SEPTIN9: variants seen among roughly 807,000 people sequenced by gnomAD.
SEPTIN9 encodes septin-9.
SEPTIN9 carries 13 observed loss-of-function variants against 56.6 expected under a neutral mutation model. That is an observed-to-expected ratio of 0.23 (90% CI 0.15 to 0.37). The LOEUF is 0.37. Ranked by LOEUF, SEPTIN9 falls within the 10% of genes least tolerant of loss-of-function variation. The probability of loss-of-function intolerance (pLI) is 1.00; values close to 1 mark genes in which losing one functional copy is unlikely to be tolerated. For missense variants in SEPTIN9, 650 were observed against 823.1 expected, an observed-to-expected ratio of 0.79 and a Z score of 2.57; for synonymous variants, 332 against 334.1, an observed-to-expected ratio of 0.99 and a Z score of 0.07.
At chr17:77,447,041 A>G (rs1466639804) in intron 3 of SEPTIN9, 1 of 167,120 alleles carries the variant, frequency 6.0e-6, no homozygotes. Context: ...CCCCGTATCC[A>G]TGAAGGACTC....
intron 2 of SEPTIN9, among the ~76,000 whole-genome samples, chr17:77,362,182 C>A (rs1388523863): frequency 6.6e-6 from 1 of 152,212 alleles, no homozygotes; most frequent in East Asian, 1.9e-4. Context: ...GTGGGGTGGC[C>A]TTCACCAATC....
rs1477906879 is a variant in SEPTIN9 at position 77,307,093 on chromosome 17, G to C, written c.20-48G>C. Reference sequence around the variant, plus strand: ...GGTGTTAATCATCCACCCGGAGGGAGAGCGCCAGTGGCCTTGTGTGACCTT... The same window carrying C: ...GGTGTTAATCATCCACCCGGAGGGACAGCGCCAGTGGCCTTGTGTGACCTT... On this transcript the variant is annotated intron_variant, in intron 1 of 11. Coordinates refer to ENST00000427177, the MANE Select transcript of SEPTIN9 (RefSeq NM_001113491.2). The C allele has an allele frequency of 3.8e-6, 6 of 1,560,524 alleles. No individual in the cohort carries two copies. In the African/African-American group the frequency reaches 5.4e-5, roughly 14 times the overall value.
chr17:77,394,769 G>C lies in SEPTIN9; in HGVS notation c.77-7290G>C, dbSNP rs116307679. 5.8e-3 allele frequency among the ~76,000 whole-genome samples: 878 copies of C among 152,286 alleles called. 12 individuals are homozygous for C. The highest frequency in any genetic ancestry group is 0.02 in the African/African-American group (838 of 41,540). Reference sequence around the variant, plus strand: ...GGAGCGGTTTGCCAGGCAGCCTGTGGTCAGAGCAGGGGCCTTAACAATGGT... The same window carrying C: ...GGAGCGGTTTGCCAGGCAGCCTGTGCTCAGAGCAGGGGCCTTAACAATGGT... On this transcript the variant is annotated intron_variant, in intron 2 of 11. Transcript: ENST00000427177.
chr17:77,336,697 C>G (rs1441956632), intron 2 of SEPTIN9, among the ~76,000 whole-genome samples: 1 of 151,848 alleles, frequency 6.6e-6, no homozygotes, highest in African/African-American at 2.4e-5. Flanking sequence ...TCTTTCTGAT[C>G]TTGATGCCTT....
rs1242358839 is a variant in SEPTIN9, at chr17:77,437,418, T to G, written c.721+34715T>G. 1.3e-5 allele frequency among the ~76,000 whole-genome samples: 2 copies of G among 151,784 alleles called. No individual in the cohort carries two copies. Among genetic ancestry groups the G allele is most frequent in the Admixed American group, 1.3e-4 (2 of 15,218 alleles). On this transcript the variant is annotated intron_variant, in intron 3 of 11. Transcript: ENST00000427177. This position sits in a 1 kb window ranked among gnomAD's most constrained non-coding sequence, Gnocchi z 5.3. ...GGGCTCAGAGATTGTAAATTCATCT[T>G]GCTGGATGTGTGGCTGCCTTTATGT...
intron 2 of SEPTIN9, among the ~76,000 whole-genome samples, chr17:77,393,585 A>AT (rs938417286): frequency 2.1e-4 from 32 of 151,696 alleles, no homozygotes; most frequent in African/African-American, 7.3e-4. Flanking sequence ...CTTATTTTTT[A>AT]TTTATTTATT....
rs1360556717 is a variant in SEPTIN9, at chr17:77,445,266, T to G, written c.722-36878T>G. ...ATACCAGCCCTCAGAACCACATTCC[T>G]GCTCCCCAGCCCTTTCCTCCGCACC... On this transcript the variant is annotated intron_variant, in intron 3 of 11. Transcript: ENST00000427177. This position sits in a 1 kb window ranked among gnomAD's most constrained non-coding sequence, Gnocchi z 4.7. 2.1e-6 allele frequency: 1 copy of G among 469,478 alleles called. No homozygotes were observed. The highest frequency in any genetic ancestry group is 4.4e-6 in the Non-Finnish European group (1 of 227,042). 29.1% of individuals were successfully genotyped at this position (469,478 alleles called of 1,614,324 possible).
In SEPTIN9 at chr17:77,437,786, C is replaced by A. The variant is rs546436709; in HGVS notation, c.721+35083C>A. Among the ~76,000 whole-genome samples the A allele has an allele frequency of 2.6e-5, 4 of 152,340 alleles. No homozygotes were observed. The South Asian group carries it at 8.3e-4, about 32-fold the overall frequency. The stretch of plus-strand genomic sequence containing the variant: ...TTTCTGGGGAGGACTTTCTGCTGCC[C>A]CCCAACCCCTTTCGGGTACATTCTC... On this transcript the variant is annotated intron_variant, in intron 3 of 11. Transcript: ENST00000427177. The surrounding 1 kb of genome is among the most constrained non-coding windows in gnomAD (Gnocchi z 5.3).
At chr17:77,458,365 G>T (rs998719430) in intron 3 of SEPTIN9, among the ~76,000 whole-genome samples, 1 of 152,210 alleles carries the variant, frequency 6.6e-6, no homozygotes, top group Non-Finnish European at 1.5e-5. Flanking sequence ...TTCCAGCCCC[G>T]GCACCGCCGC....
intron 2 of SEPTIN9, among the ~76,000 whole-genome samples, chr17:77,333,423 C>T (rs535768720): frequency 6.8e-4 from 104 of 152,230 alleles, no homozygotes; most frequent in African/African-American, 2.2e-3. Flanking sequence ...AACAAGGTCT[C>T]GCTGTATTGC....
At chr17:77,440,923 T>C (rs1044644111) in intron 3 of SEPTIN9, among the ~76,000 whole-genome samples, 2 of 152,212 alleles carry the variant, frequency 1.3e-5, no homozygotes, top group Non-Finnish European at 1.5e-5. Context: ...GGTGGAGACC[T>C]TGAGACCCTG....
chr17:77,482,292 G>C lies in SEPTIN9; in HGVS notation c.870G>C (p.Arg290=). Residue 290 remains arginine (R), a synonymous_variant, in exon 4 of 12, where the codon CGG becomes CGC. Coordinates refer to ENST00000427177, the MANE Select transcript of SEPTIN9 (RefSeq NM_001113491.2). The stretch of plus-strand genomic sequence containing the variant: ...ACTCCATCCTGGAGCAGATGCGCCG[G>C]AAGGCCATGAAGCAGGGCTTCGAGT... ...GIDSILEQMR[R]KAMKQGFEFN... 1 of 1,613,220 alleles carries C rather than the reference G, an allele frequency of 6.2e-7. No individual in the cohort carries two copies. The highest frequency in any genetic ancestry group is 1.1e-5 in the South Asian group (1 of 91,090).
chr17:77,392,988 C>G (rs575732538), intron 2 of SEPTIN9, among the ~76,000 whole-genome samples: 2 of 152,258 alleles, frequency 1.3e-5, no homozygotes, highest in South Asian at 4.1e-4. Flanking sequence ...GTCCTCCTCC[C>G]TATCCGGAGC....
At chr17:77,344,983 A>C (rs888213656) in intron 2 of SEPTIN9, among the ~76,000 whole-genome samples, 4 of 150,670 alleles carry the variant, frequency 2.7e-5, no homozygotes, top group Non-Finnish European at 5.9e-5. Context: ...AAAAAAAAAA[A>C]AAAAAAAAAA....
intron 1 of SEPTIN9, among the ~76,000 whole-genome samples, chr17:77,292,503 A>T (rs531641865): frequency 0.05 from 7,004 of 140,430 alleles, 204 homozygotes; most frequent in African/African-American, 0.081. Flanking sequence ...TTTTTTTTTT[A>T]AATTTTTTGA....
At chr17:77,392,005 T>TG (rs1393230788) in intron 2 of SEPTIN9, among the ~76,000 whole-genome samples, 1 of 152,204 alleles carries the variant, frequency 6.6e-6, no homozygotes, top group Admixed American at 6.5e-5. Flanking sequence ...AGGAATGCTG[T>TG]GGGCTGCTGT....
chr17:77,373,683 G>C lies in SEPTIN9; in HGVS notation c.77-28376G>C, dbSNP rs941613672. ...AGGGGAGACGGGACCCCTAATCCAG[G>C]CGCCCTCCCGCTGAGAGCGCCGCGC... On this transcript the variant is annotated intron_variant, in intron 2 of 11. Coordinates refer to ENST00000427177, the MANE Select transcript of SEPTIN9 (RefSeq NM_001113491.2). 3.6e-6 allele frequency: 5 copies of C among 1,394,726 alleles called. No individual in the cohort carries two copies. In the African/African-American group the frequency reaches 6.0e-5, roughly 17 times the overall value. 86.4% of individuals were successfully genotyped at this position (1,394,726 alleles called of 1,614,324 possible). A position where few individuals can be genotyped will look rare whatever the true frequency, so the allele number is the denominator to read the frequency against.
At chr17:77,465,086 C>T (rs749289560) in intron 3 of SEPTIN9, among the ~76,000 whole-genome samples, 1 of 152,304 alleles carries the variant, frequency 6.6e-6, no homozygotes, top group Non-Finnish European at 1.5e-5. Flanking sequence ...TAAGTGGAAT[C>T]GTACAGTATG....
chr17:77,421,387 C>T lies in SEPTIN9; in HGVS notation c.721+18684C>T, dbSNP rs932084550. 1.3e-4 allele frequency among the ~76,000 whole-genome samples: 20 copies of T among 152,158 alleles called. No individual in the cohort carries two copies. Among genetic ancestry groups the T allele is most frequent in the Admixed American group, 5.2e-4 (8 of 15,262 alleles). ...ATCTTTCTCTGTCTCCTCCCCCTGC[C>T]GCCTCTCCCCACAAGACTGGGCTGG... On this transcript the variant is annotated intron_variant, in intron 3 of 11. Transcript: ENST00000427177. The surrounding 1 kb of genome is among the most constrained non-coding windows in gnomAD (Gnocchi z 4.6).
Sources: gnomAD v4.1 joint callset for allele counts (sites outside exome capture counted in the v4.1 genomes callset) on GRCh38, gnomAD v4.1.1 for gene constraint, Gnocchi (gnomAD v3.1) non-coding constraint, MANE v1.5 for transcripts, NCBI Gene and HGNC (gene_info 2026-07-23, HGNC 2026-07-21) for gene names.